The following TJP1 variants were observed in gnomAD, a reference collection of about 807,000 sequenced individuals.
The protein encoded by TJP1 is tight junction protein ZO-1.
A neutral mutation model predicts 194.2 loss-of-function variants in TJP1; 43 were observed. The ratio of observed to expected loss-of-function variants is 0.22; its 90% confidence interval spans 0.17 to 0.29. TJP1 has a LOEUF of 0.29. TJP1 is among the 10% of genes least tolerant of loss of function. The pLI is 1.00. For synonymous variants in TJP1, 801 were observed against 779.0 expected (o/e 1.03, Z -0.47); for missense variants, 1,971 against 2,185.7 (o/e 0.90, Z 1.96).
At chr15:29,833,245 C>A (rs1055542687) in intron 2 of TJP1, among the ~76,000 whole-genome samples, 1 of 152,116 alleles carries the variant, frequency 6.6e-6, no homozygotes, top group African/African-American at 2.4e-5. Flanking sequence ...TCAAGTAAAT[C>A]TGATCAATTT....
At chr15:29,743,788 T>C (rs1364547596) in intron 8 of TJP1, among the ~76,000 whole-genome samples, 1 of 151,976 alleles carries the variant, frequency 6.6e-6, no homozygotes, top group Non-Finnish European at 1.5e-5. Flanking sequence ...AATGCAAAAA[T>C]ACAAAGAAGC....
chr15:29,906,972 T>C (rs2053836423), intron 2 of TJP1, among the ~76,000 whole-genome samples: 1 of 152,190 alleles, frequency 6.6e-6, no homozygotes, highest in Admixed American at 6.5e-5. Context: ...TACAGTATGA[T>C]TCTAATTTTG....
chr15:29,748,051 T>C (rs1385893800), intron 8 of TJP1, among the ~76,000 whole-genome samples: 1 of 152,214 alleles, frequency 6.6e-6, no homozygotes, highest in Non-Finnish European at 1.5e-5. Context: ...GATGGAGGCA[T>C]TTTTCAATAA....
At chr15:29,822,683 GT>G, upstream of TJP1, 1 of 176,390 alleles carries the variant, frequency 5.7e-6, no homozygotes, top group Non-Finnish European at 1.1e-5. Context: ...CTTCCTGTTT[GT>G]TTTTATCCAA....
chr15:29,949,939 CTCCACA>C (rs1156788576), intron 2 of TJP1, among the ~76,000 whole-genome samples: 25 of 51,326 alleles, frequency 4.9e-4, no homozygotes, highest in African/African-American at 6.6e-4. Flanking sequence ...CCACCACCAC[CTCCACA>C]ACCACCACCA....
chr15:29,843,534 C>A lies in TJP1; in HGVS notation c.307-42832G>T, dbSNP rs544935657. On this transcript the variant is annotated intron_variant, in intron 2 of 28. Coordinates refer to the TJP1 transcript ENST00000356107. ...ATGCAAAGTTGGAGGAGTTAAGCAA[C>A]CATTCCTAAGATGAAGAAAGTTATC... 2.0e-5 allele frequency among the ~76,000 whole-genome samples: 3 copies of A among 152,240 alleles called. No individual in the cohort carries two copies. The East Asian group carries it at 5.8e-4, about 29-fold the overall frequency.
chr15:29,750,149 G>A (rs956195303), intron 8 of TJP1, among the ~76,000 whole-genome samples: 2 of 152,060 alleles, frequency 1.3e-5, no homozygotes, highest in African/African-American at 4.8e-5. Flanking sequence ...CTGGACTACA[G>A]GCACGTGCCA....
chr15:29,894,362 G>C (rs550487643), intron 2 of TJP1, among the ~76,000 whole-genome samples: 2 of 152,304 alleles, frequency 1.3e-5, no homozygotes, highest in South Asian at 4.1e-4. Context: ...GGGAGACGGA[G>C]GCAGGAGAAT....
intron 2 of TJP1, among the ~76,000 whole-genome samples, chr15:29,863,497 C>G (rs1048784695): frequency 6.6e-6 from 1 of 152,034 alleles, no homozygotes; most frequent in African/African-American, 2.4e-5. Context: ...TTTAAAGCAT[C>G]TTGAATTCCT....
chr15:29,935,386 G>T (rs1393717253), intron 2 of TJP1, among the ~76,000 whole-genome samples: 1 of 152,188 alleles, frequency 6.6e-6, no homozygotes, highest in African/African-American at 2.4e-5. Flanking sequence ...ACCATTGCCA[G>T]GCATTTTCTT....
intron 1 of TJP1, chr15:29,956,470 C>T (rs547011198): frequency 3.7e-6 from 4 of 1,082,370 alleles, no homozygotes; most frequent in Non-Finnish European, 1.2e-6. Flanking sequence ...ATGTCACACT[C>T]CTTTTTCCAG....
rs1442657870 is a variant in TJP1, at chr15:29,700,715, C to T, written c.*880G>A. ...GAAAGAACAGAAAACCACCACTGCC[C>T]CTTGTCAAAAAAAAAAAAAAAGAAA... On this transcript the variant is annotated 3_prime_UTR_variant, in exon 28 of 28. Transcript: ENST00000614355. 1.1e-5 allele frequency: 3 copies of T among 277,300 alleles called. No individual in the cohort carries two copies. The highest frequency in any genetic ancestry group is 2.3e-5 in the African/African-American group (1 of 43,768). 17.2% of individuals were successfully genotyped at this position (277,300 alleles called of 1,614,324 possible). A position where few individuals can be genotyped will look rare whatever the true frequency, so the allele number is the denominator to read the frequency against.
At chr15:29,956,363 C>A in exon 2 of TJP1, 7 of 1,286,474 alleles carry the variant, frequency 5.4e-6, no homozygotes, top group African/African-American at 1.5e-5. Flanking sequence ...GATGGCGTTA[C>A]CCTGCAAGAA....
rs1158474535 is a variant in TJP1 at position 29,761,229 on chromosome 15, G to A, written c.920C>T (p.Pro307Leu). Reference protein sequence around the residue: ...SDHSGRSHDRPPRRSRSRSPD... With the variant: ...SDHSGRSHDRLPRRSRSRSPD... Reference sequence around the variant, plus strand: ...AGATCGTGACCGGCTGCGGCGGGGAGGCCTATCGTGTGATCGACCAGAATG... The same window carrying A: ...AGATCGTGACCGGCTGCGGCGGGGAAGCCTATCGTGTGATCGACCAGAATG... Residue 307 changes from proline to leucine, a missense_variant, in exon 8 of 28, where the codon CCT becomes CTT. This residue lies in a region of TJP1 where 192 missense variants were observed against 182.3 expected (regional missense o/e 1.05). Coordinates refer to ENST00000614355, the MANE Select transcript of TJP1 (RefSeq NM_001330239.4). 2 of 1,614,042 alleles carry A rather than the reference G, an allele frequency of 1.2e-6. No individual in the cohort carries two copies. Among genetic ancestry groups the A allele is most frequent in the South Asian group, 1.1e-5 (1 of 91,072 alleles).
intron 2 of TJP1, among the ~76,000 whole-genome samples, chr15:29,791,410 ATTCTT>A (rs2048076294): frequency 9.0e-6 from 1 of 111,044 alleles, no homozygotes. Flanking sequence ...CCTCCATAAT[ATTCTT>A]TTTTTTTTTT....
intron 2 of TJP1, among the ~76,000 whole-genome samples, chr15:29,862,201 A>G (rs1199801411): frequency 3.9e-5 from 6 of 152,230 alleles, no homozygotes; most frequent in Non-Finnish European, 4.4e-5. Flanking sequence ...TGAGAATAAA[A>G]GAAAATACAT....
intron 2 of TJP1, among the ~76,000 whole-genome samples, chr15:29,858,130 G>T (rs143151378): frequency 6.6e-6 from 1 of 152,192 alleles, no homozygotes; most frequent in African/African-American, 2.4e-5. Flanking sequence ...GCCAGCTGTG[G>T]TGTCTTACTC....
intron 2 of TJP1, among the ~76,000 whole-genome samples, chr15:29,870,723 G>A (rs977484510): frequency 6.6e-6 from 1 of 152,190 alleles, no homozygotes; most frequent in African/African-American, 2.4e-5. Context: ...CTGCAGGGAT[G>A]TTAGGAAGAC....
intron 1 of TJP1, among the ~76,000 whole-genome samples, chr15:29,817,776 T>C (rs909460618): frequency 4.0e-5 from 6 of 151,392 alleles, no homozygotes; most frequent in South Asian, 4.2e-4. Flanking sequence ...TAAGTGGGAG[T>C]TGAACAATGA....
Sources: gnomAD v4.1 joint callset for allele counts (sites outside exome capture counted in the v4.1 genomes callset) on GRCh38, gnomAD v4.1.1 for gene constraint, gnomAD v4.1.1 regional missense constraint, MANE v1.5 for transcripts, NCBI Gene and HGNC (gene_info 2026-07-23, HGNC 2026-07-21) for gene names.